Variants in NFIC observed in about 807,000 individuals in gnomAD.
NFIC encodes nuclear factor 1 C-type.
A neutral mutation model predicts 54.4 loss-of-function variants in NFIC; 12 were observed. The observed-to-expected ratio is 0.22, with a 90% CI of 0.14 to 0.36. The LOEUF is 0.36. NFIC is among the 10% of genes least tolerant of loss of function. The probability of loss-of-function intolerance (pLI) is 1.00; values close to 1 mark genes in which losing one functional copy is unlikely to be tolerated. For synonymous variants in NFIC, 322 were observed against 319.2 expected, an observed-to-expected ratio of 1.01 and a Z score of -0.09; for missense variants, 575 against 718.2, an observed-to-expected ratio of 0.80 and a Z score of 2.28.
At chr19:3,418,936 C>T (rs576789845) in intron 2 of NFIC, among the ~76,000 whole-genome samples, 160 of 152,302 alleles carry the variant, frequency 1.1e-3, no homozygotes, top group African/African-American at 3.8e-3. Flanking sequence ...ATGGGTGAAC[C>T]TTAAGGACAT....
At chr19:3,416,886 CTTT>C (rs371348767) in intron 2 of NFIC, among the ~76,000 whole-genome samples, 12 of 131,978 alleles carry the variant, frequency 9.1e-5, no homozygotes, top group Non-Finnish European at 8.1e-5. Flanking sequence ...AATCCCAGTG[CTTT>C]TTTTTTTTTT....
intron 1 of NFIC, among the ~76,000 whole-genome samples, chr19:3,376,724 T>A (rs936856383): frequency 1.3e-5 from 2 of 151,934 alleles, no homozygotes; most frequent in African/African-American, 4.8e-5. Flanking sequence ...CTGTCTTTTT[T>A]ATTTATTTAT....
intron 7 of NFIC, among the ~76,000 whole-genome samples, chr19:3,450,165 G>A (rs2145677073): frequency 6.6e-6 from 1 of 151,284 alleles, no homozygotes; most frequent in Non-Finnish European, 1.5e-5. Flanking sequence ...CTAACATGGT[G>A]AAACCCCGTC....
rs1260721380 is a variant in NFIC, at chr19:3,459,417, C to T, written c.1509+2782C>T. 1.3e-5 allele frequency among the ~76,000 whole-genome samples: 2 copies of T among 152,150 alleles called. No individual in the cohort carries two copies. Among genetic ancestry groups the T allele is most frequent in the African/African-American group, 4.8e-5 (2 of 41,406 alleles). ...TGATGTCCTTCACGCCCCTACATTTCTCCTGCACGGGAACCCACGTAAGCA... is the reference window on the plus strand; with the variant it reads ...TGATGTCCTTCACGCCCCTACATTTTTCCTGCACGGGAACCCACGTAAGCA... On this transcript the variant is annotated intron_variant, in intron 10 of 10. Transcript: ENST00000443272. The surrounding 1 kb of genome is among the most constrained non-coding windows in gnomAD (Gnocchi z 4.2).
Position 3,463,955 on chromosome 19 carries a change from G to T in NFIC, c.*1186G>T, listed in dbSNP as rs1051052997. 1 of 971,610 alleles carries T rather than the reference G, an allele frequency of 1.0e-6. No individual in the cohort carries two copies. The highest frequency in any genetic ancestry group is 1.2e-6 in the Non-Finnish European group (1 of 826,306). The allele number at this position is 971,610 out of a possible 1,614,324, so 60.2% of individuals were successfully genotyped here. A position where few individuals can be genotyped will look rare whatever the true frequency, so the allele number is the denominator to read the frequency against. ...GCCCCTCCAGTCAACCCTCATCGCC[G>T]TGCCCCCCCAGAGCTAGAGAGATGG... is the stretch of plus-strand genomic sequence containing the variant. On this transcript the variant is annotated 3_prime_UTR_variant, in exon 11 of 11. Coordinates refer to ENST00000443272, the MANE Select transcript of NFIC (RefSeq NM_001245002.2).
At chr19:3,418,294 G>T (rs371709165) in intron 2 of NFIC, among the ~76,000 whole-genome samples, 1 of 151,742 alleles carries the variant, frequency 6.6e-6, no homozygotes, top group East Asian at 1.9e-4. Context: ...ACGGGGTCTC[G>T]CCATGGTGCC....
chr19:3,385,328 C>T (rs2081278301), intron 2 of NFIC, among the ~76,000 whole-genome samples: 1 of 151,914 alleles, frequency 6.6e-6, no homozygotes, highest in African/African-American at 2.4e-5. Flanking sequence ...CAGTCACTCA[C>T]CCTCTCTGTG....
rs1157434648 is a variant in NFIC at position 3,370,491 on chromosome 19, C to G, written c.30+3825C>G. ...AGAGTCAGCGTTCTCCTCTCTCTCTCTCTCTCTCTCTGTCTCCCTCCCTTT... is the reference window on the plus strand; with the variant it reads ...AGAGTCAGCGTTCTCCTCTCTCTCTGTCTCTCTCTCTGTCTCCCTCCCTTT... On this transcript the variant is annotated intron_variant, in intron 1 of 10. Coordinates refer to ENST00000443272, the MANE Select transcript of NFIC (RefSeq NM_001245002.2). This position sits in a 1 kb window ranked among gnomAD's most constrained non-coding sequence, Gnocchi z 5.2. 6.6e-6 allele frequency among the ~76,000 whole-genome samples: 1 copy of G among 151,866 alleles called. No homozygotes were observed. The highest frequency in any genetic ancestry group is 2.4e-5 in the African/African-American group (1 of 41,328).
Position 3,370,051 on chromosome 19 carries a change from G to C in NFIC, c.30+3385G>C, listed in dbSNP as rs1337336041. Among the ~76,000 whole-genome samples, 4 of 152,138 alleles carry C rather than the reference G, an allele frequency of 2.6e-5. No homozygotes were observed. Among genetic ancestry groups the C allele is most frequent in the African/African-American group, 9.7e-5 (4 of 41,438 alleles). On this transcript the variant is annotated intron_variant, in intron 1 of 10. Coordinates refer to ENST00000443272, the MANE Select transcript of NFIC (RefSeq NM_001245002.2). The surrounding 1 kb of genome is among the most constrained non-coding windows in gnomAD (Gnocchi z 5.2). The stretch of plus-strand genomic sequence containing the variant: ...AGCATCTCCTGGGCCCTGGGGATAG[G>C]TGGGGGTGGGGGAGGCAGCAGGGCC...
rs531100759 is a variant in NFIC at position 3,440,173 on chromosome 19, G to T, written c.958+4966G>T. Among the ~76,000 whole-genome samples, 3 of 152,268 alleles carry T rather than the reference G, an allele frequency of 2.0e-5. No homozygotes were observed. The South Asian group carries it at 6.2e-4, about 32-fold the overall frequency. ...CCAGCAGGGAGAATCGTGGTTTGAGGAGTTGCACTGTGGATGTTTGGGGCC... is the reference window on the plus strand; with the variant it reads ...CCAGCAGGGAGAATCGTGGTTTGAGTAGTTGCACTGTGGATGTTTGGGGCC... On this transcript the variant is annotated intron_variant, in intron 6 of 10. Transcript: ENST00000443272.
At position 3,464,814 on chromosome 19, in the gene NFIC, C is replaced by T; in HGVS notation, c.*2045C>T. The stretch of plus-strand genomic sequence containing the variant: ...CTTGGTCCCTCCGTCCGTCTGTCCT[C>T]GGGGCCCGCTCCCCCGGTGGCCCTT... On this transcript the variant is annotated 3_prime_UTR_variant, in exon 11 of 11. Transcript: ENST00000443272. 3.1e-6 allele frequency: 2 copies of T among 651,268 alleles called. No homozygotes were observed. The highest frequency in any genetic ancestry group is 3.8e-6 in the Non-Finnish European group (2 of 525,200). 40.3% of individuals were successfully genotyped at this position (651,268 alleles called of 1,614,324 possible).
At chr19:3,364,043 C>T (rs924396542), upstream of NFIC, among the ~76,000 whole-genome samples, 18 of 152,154 alleles carry the variant, frequency 1.2e-4, no homozygotes, top group Admixed American at 6.5e-4. Flanking sequence ...GACAGCATGG[C>T]TGCCTCCAAA....
intron 2 of NFIC, among the ~76,000 whole-genome samples, chr19:3,386,476 C>G (rs1169342505): frequency 6.6e-6 from 1 of 152,018 alleles, no homozygotes; most frequent in African/African-American, 2.4e-5. Context: ...GCGAGCGCCA[C>G]CACACCTGGC....
chr19:3,467,981 T>G lies in NFIC; in HGVS notation c.*5212T>G, dbSNP rs1364274357. On this transcript the variant is annotated 3_prime_UTR_variant, in exon 11 of 11. Coordinates refer to ENST00000443272, the MANE Select transcript of NFIC (RefSeq NM_001245002.2). ...CCACGTCAGACACTTCCTGAGAGTCTCACCTTCAAAATGACACCGCTGCCC... is the reference window on the plus strand; with the variant it reads ...CCACGTCAGACACTTCCTGAGAGTCGCACCTTCAAAATGACACCGCTGCCC... 1 of 151,300 alleles carries G rather than the reference T, an allele frequency of 6.6e-6. No homozygotes were observed. The highest frequency in any genetic ancestry group is 1.5e-5 in the Non-Finnish European group (1 of 67,912). The allele number at this position is 151,300 out of a possible 1,614,324, so 9.4% of individuals were successfully genotyped here.
intron 6 of NFIC, among the ~76,000 whole-genome samples, chr19:3,447,401 C>T (rs1599709897): frequency 1.3e-5 from 2 of 152,022 alleles, no homozygotes; most frequent in African/African-American, 2.4e-5. Context: ...AAATGGCCCT[C>T]TTTGGGGCTC....
At chr19:3,395,953 G>A (rs2081455795) in intron 2 of NFIC, among the ~76,000 whole-genome samples, 1 of 152,120 alleles carries the variant, frequency 6.6e-6, no homozygotes, top group South Asian at 2.1e-4. Context: ...GAACTACCAT[G>A]CCCGGCCTTA....
In NFIC at chr19:3,411,808, G is replaced by A. The variant is rs772601267; in HGVS notation, c.563-13298G>A. On this transcript the variant is annotated intron_variant, in intron 2 of 10. Coordinates refer to ENST00000443272, the MANE Select transcript of NFIC (RefSeq NM_001245002.2). ...TTTGATTCACCAGGTCCTTGGCCCA[G>A]CTTTAGTTTCTCCCGTGTCCGTGTT... Among the ~76,000 whole-genome samples, 6 of 152,266 alleles carry A rather than the reference G, an allele frequency of 3.9e-5. No individual in the cohort carries two copies. In the East Asian group the frequency reaches 5.8e-4, roughly 15 times the overall value.
Position 3,463,330 on chromosome 19 carries a change from A to C in NFIC, c.*561A>C. On this transcript the variant is annotated 3_prime_UTR_variant, in exon 11 of 11. Coordinates refer to ENST00000443272, the MANE Select transcript of NFIC (RefSeq NM_001245002.2). ...CTCAGCCCCCACCGAGGACGCAGCC[A>C]CTGGGGGGAAAGGGAGACACAGCGG... The C allele has an allele frequency of 1.0e-6, 1 of 986,608 alleles. No homozygotes were observed. The highest frequency in any genetic ancestry group is 1.2e-6 in the Non-Finnish European group (1 of 830,954). The allele number at this position is 986,608 out of a possible 1,614,324, so 61.1% of individuals were successfully genotyped here. A position where few individuals can be genotyped will look rare whatever the true frequency, so the allele number is the denominator to read the frequency against.
At position 3,429,696 on chromosome 19, in the gene NFIC, G is replaced by C. The variant is rs537063386; in HGVS notation, c.635-3822G>C. On this transcript the variant is annotated intron_variant, in intron 3 of 10. Transcript: ENST00000443272. ...CCGTGCTGCCCCCTGGGGGCCGGGA[G>C]AGGAACTGCTCCCACCGCCACCCAA... 3.9e-5 allele frequency among the ~76,000 whole-genome samples: 6 copies of C among 152,188 alleles called. No individual in the cohort carries two copies. In the East Asian group the frequency reaches 1.2e-3, roughly 29 times the overall value.
Sources: gnomAD v4.1 joint callset for allele counts (sites outside exome capture counted in the v4.1 genomes callset) on GRCh38, gnomAD v4.1.1 for gene constraint, Gnocchi (gnomAD v3.1) non-coding constraint, MANE v1.5 for transcripts, NCBI Gene and HGNC (gene_info 2026-07-23, HGNC 2026-07-21) for gene names.